CFHR4: variants seen among roughly 807,000 people sequenced by gnomAD.
CFHR4 encodes complement factor H related 4.
A neutral mutation model predicts 69.3 loss-of-function variants in CFHR4; 64 were observed. The observed-to-expected ratio is 0.92, with a 90% CI of 0.76 to 1.14. The LOEUF is 1.14. Among genes scored for constraint, CFHR4 ranks in the 50% most tolerant of loss-of-function variants. CFHR4 has a pLI of 0.00. For synonymous variants in CFHR4, 244 were observed against 237.0 expected, an observed-to-expected ratio of 1.03 and a Z score of -0.27; for missense variants, 636 against 684.9, an observed-to-expected ratio of 0.93 and a Z score of 0.80.
intron 1 of CFHR4, among the ~76,000 whole-genome samples, chr1:196,901,455 A>G (rs1657596862): frequency 6.6e-6 from 1 of 151,276 alleles, no homozygotes; most frequent in South Asian, 2.1e-4. Context: ...AAGACAATAA[A>G]CCAGTGGACT....
In CFHR4 at chr1:196,918,439, T is replaced by A. The variant is rs1658786909; in HGVS notation, c.*33T>A. ...TTGTTACCCTAAATGTATGTCCAAC[T>A]TCCACTTCTCACTCTTATGGTCTCA... is the stretch of plus-strand genomic sequence containing the variant. On this transcript the variant is annotated 3_prime_UTR_variant, in exon 10 of 10. Transcript: ENST00000608469. 1.9e-6 allele frequency: 3 copies of A among 1,569,232 alleles called. No individual in the cohort carries two copies. The highest frequency in any genetic ancestry group is 2.6e-6 in the Non-Finnish European group (3 of 1,141,334).
chr1:196,913,784 A>G (rs1432742182), intron 7 of CFHR4, among the ~76,000 whole-genome samples: 2 of 151,520 alleles, frequency 1.3e-5, no homozygotes, highest in African/African-American at 2.4e-5. Context: ...ACCTTGATAC[A>G]TAATACAACA....
rs1657665021 is a variant in CFHR4, at chr1:196,902,415, A to G, written c.59-3A>G. The G allele has an allele frequency of 6.3e-7, 1 of 1,589,254 alleles. No individual in the cohort carries two copies. ...TATACTGTTTTTTGTTTTTTATTAC[A>G]AGAAGTGAAACCTTGTGATTTTCCA... On this transcript the variant is annotated splice_polypyrimidine_tract_variant and splice_region_variant and intron_variant, in intron 1 of 9. Transcript: ENST00000608469.
chr1:196,897,976 GAA>G (rs1657402120), intron 1 of CFHR4, among the ~76,000 whole-genome samples: 1 of 151,426 alleles, frequency 6.6e-6, no homozygotes, highest in Admixed American at 6.6e-5. Context: ...GAGAAAAGCT[GAA>G]AGACTTCTGT....
chr1:196,909,126 A>G (rs1210006160), intron 5 of CFHR4, among the ~76,000 whole-genome samples: 1 of 151,552 alleles, frequency 6.6e-6, no homozygotes, highest in Admixed American at 6.6e-5. Context: ...TTCAGAGATA[A>G]ATTCTGAGTC....
chr1:196,911,877 A>T (rs1332361444), intron 6 of CFHR4, among the ~76,000 whole-genome samples: 1 of 151,442 alleles, frequency 6.6e-6, no homozygotes, highest in East Asian at 1.9e-4. Flanking sequence ...GCTGGAGGAG[A>T]TTAATAGGAA....
chr1:196,896,844 A>G (rs1007777962), intron 1 of CFHR4, among the ~76,000 whole-genome samples: 3 of 151,528 alleles, frequency 2.0e-5, no homozygotes, highest in African/African-American at 4.9e-5. Context: ...CTTTTTCTAT[A>G]TTTCTTAGAT....
At chr1:196,902,748 A>T in intron 2 of CFHR4, 133 bp downstream of exon 2, 1 of 627,122 alleles carries the variant, frequency 1.6e-6, no homozygotes, top group Non-Finnish European at 2.7e-6. Flanking sequence ...AAAGACCAAA[A>T]TGGATCTTTT....
At position 196,918,447 on chromosome 1, in the gene CFHR4, C is replaced by T; in HGVS notation, c.*41C>T. 2 of 1,549,890 alleles carry T rather than the reference C, an allele frequency of 1.3e-6. No homozygotes were observed. Among genetic ancestry groups the T allele is most frequent in the Non-Finnish European group, 1.8e-6 (2 of 1,124,020 alleles). ...CTAAATGTATGTCCAACTTCCACTT[C>T]TCACTCTTATGGTCTCAAAGCTTGC... On this transcript the variant is annotated 3_prime_UTR_variant, in exon 10 of 10. Coordinates refer to ENST00000608469, the MANE Select transcript of CFHR4 (RefSeq NM_001201550.3).
chr1:196,896,974 G>T (rs988415806), intron 1 of CFHR4, among the ~76,000 whole-genome samples: 1 of 151,336 alleles, frequency 6.6e-6, no homozygotes, highest in African/African-American at 2.4e-5. Context: ...GTATAAATAC[G>T]CTGTGTTGGT....
At chr1:196,899,777 G>A (rs919442357) in intron 1 of CFHR4, among the ~76,000 whole-genome samples, 22 of 151,570 alleles carry the variant, frequency 1.5e-4, no homozygotes, top group Non-Finnish European at 1.8e-4. Context: ...AAAGTATTTC[G>A]CAAGTGACCT....
At chr1:196,895,809 C>T (rs1309484810) in intron 1 of CFHR4, among the ~76,000 whole-genome samples, 1 of 151,314 alleles carries the variant, frequency 6.6e-6, no homozygotes, top group Non-Finnish European at 1.5e-5. Context: ...TTTCCTATTT[C>T]TTTGTATGAC....
chr1:196,899,084 AAGG>A (rs1330421817), intron 1 of CFHR4, among the ~76,000 whole-genome samples: 1 of 151,658 alleles, frequency 6.6e-6, no homozygotes, highest in Non-Finnish European at 1.5e-5. Context: ...TATTTTGAGG[AAGG>A]AGTATTGAAG....
intron 7 of CFHR4, among the ~76,000 whole-genome samples, chr1:196,914,286 A>T (rs1039958238): frequency 6.6e-6 from 1 of 151,528 alleles, no homozygotes; most frequent in Non-Finnish European, 1.5e-5. Flanking sequence ...GATTTGAATG[A>T]TAAGAAAGAA....
In CFHR4 at chr1:196,894,016, C is replaced by T. The variant is rs146271750; in HGVS notation, c.58+5808C>T. ...CTCCAATGGTTTCTTAAAATTCCTC[C>T]GAAGCTGAATATTAACTCTCATTTA... is the stretch of plus-strand genomic sequence containing the variant. On this transcript the variant is annotated intron_variant, in intron 1 of 9. Coordinates refer to ENST00000608469, the MANE Select transcript of CFHR4 (RefSeq NM_001201550.3). 1.2e-4 allele frequency among the ~76,000 whole-genome samples: 18 copies of T among 151,484 alleles called. No homozygotes were observed. The East Asian group carries it at 3.1e-3, about 26-fold the overall frequency.
intron 6 of CFHR4, among the ~76,000 whole-genome samples, 158 bp from the exon 7 acceptor site, chr1:196,912,582 T>C (rs1227859192): frequency 6.6e-6 from 1 of 151,510 alleles, no homozygotes; most frequent in African/African-American, 2.4e-5. Context: ...TGGTTTCCTT[T>C]AAGAACACGG....
intron 3 of CFHR4, among the ~76,000 whole-genome samples, chr1:196,905,947 T>C (rs903253339): frequency 5.3e-5 from 8 of 151,600 alleles, no homozygotes; most frequent in African/African-American, 1.9e-4. Context: ...ATAAAGAGAT[T>C]GCATAATGAA....
intron 2 of CFHR4, 43 bp from the exon 3 acceptor site, chr1:196,905,065 A>G: frequency 1.4e-6 from 2 of 1,479,868 alleles, no homozygotes. Flanking sequence ...TAAAAGAAGT[A>G]TTCAACAAAT....
chr1:196,892,799 G>A (rs1297848503), intron 1 of CFHR4, among the ~76,000 whole-genome samples: 1 of 151,354 alleles, frequency 6.6e-6, no homozygotes. Context: ...AATCATTCAT[G>A]AAGCATTCAA....
Sources: allele counts gnomAD v4.1 joint callset (sites outside exome capture counted in the v4.1 genomes callset), GRCh38; gene constraint gnomAD v4.1.1; transcripts MANE v1.5; gene names NCBI Gene and HGNC (gene_info 2026-07-23, HGNC 2026-07-21).